The following IQCJ variants were observed in gnomAD, a reference collection of about 807,000 sequenced individuals.
The protein encoded by IQCJ is IQ domain-containing protein J.
IQCJ carries 9 observed loss-of-function variants against 11.0 expected under a neutral mutation model. The ratio of observed to expected loss-of-function variants is 0.82; its 90% CI spans 0.49 to 1.43. The LOEUF (loss-of-function observed/expected upper bound fraction) is 1.43. Among genes scored for constraint, IQCJ ranks in the 40% most tolerant of loss-of-function variants. IQCJ has a pLI of 0.00. For missense variants in IQCJ, 146 were observed against 133.2 expected (o/e 1.10, Z -0.47); for synonymous variants, 55 against 51.3 (o/e 1.07, Z -0.31).
intron 1 of IQCJ, among the ~76,000 whole-genome samples, chr3:159,131,023 G>C (rs1719959054): frequency 6.6e-6 from 1 of 152,076 alleles, no homozygotes; most frequent in African/African-American, 2.4e-5. Context: ...GAAAGAATTT[G>C]GGAAGAACAG....
chr3:159,114,794 C>T (rs1193814442), intron 1 of IQCJ, among the ~76,000 whole-genome samples: 1 of 152,188 alleles, frequency 6.6e-6, no homozygotes, highest in African/African-American at 2.4e-5. Flanking sequence ...CAAAACAATA[C>T]CCCCTTCTCT....
intron 1 of IQCJ, among the ~76,000 whole-genome samples, chr3:159,195,472 G>A (rs1437167722): frequency 6.6e-6 from 1 of 152,120 alleles, no homozygotes; most frequent in Non-Finnish European, 1.5e-5. Flanking sequence ...GGGAGGACTG[G>A]GCCTCTTCTG....
intron 1 of IQCJ, among the ~76,000 whole-genome samples, chr3:159,240,753 C>A (rs1377248262): frequency 6.6e-6 from 1 of 151,830 alleles, no homozygotes; most frequent in East Asian, 2.0e-4. Context: ...CTACACCCAG[C>A]TAATTTTTTT....
intron 1 of IQCJ, among the ~76,000 whole-genome samples, chr3:159,138,708 G>A (rs1310414586): frequency 6.6e-6 from 1 of 152,114 alleles, no homozygotes; most frequent in Admixed American, 6.5e-5. Flanking sequence ...CGTGTTAATG[G>A]TCATGTTCAC....
chr3:159,152,288 T>C (rs1393700828), intron 1 of IQCJ, among the ~76,000 whole-genome samples: 1 of 152,166 alleles, frequency 6.6e-6, no homozygotes, highest in Admixed American at 6.5e-5. Flanking sequence ...GTTTCTTTTG[T>C]GCTTGGAAGT....
Position 159,133,435 on chromosome 3 carries a change from A to G in IQCJ, c.9+63994A>G, listed in dbSNP as rs189485858. 4.7e-4 allele frequency among the ~76,000 whole-genome samples: 71 copies of G among 152,382 alleles called. 1 individual carries two copies. The highest frequency in any genetic ancestry group is 3.3e-3 in the South Asian group (16 of 4,834). On this transcript the variant is annotated intron_variant, in intron 1 of 3. Transcript: ENST00000397832. ...TGATAACTGCCAAGAAATCACTGACATTCTAAATTAAATGAGTTTTTGAGC... is the reference window on the plus strand; with the variant it reads ...TGATAACTGCCAAGAAATCACTGACGTTCTAAATTAAATGAGTTTTTGAGC...
intron 1 of IQCJ, among the ~76,000 whole-genome samples, chr3:159,111,426 C>T (rs144396562): frequency 1.5e-4 from 23 of 152,032 alleles, no homozygotes; most frequent in South Asian, 6.2e-4. Flanking sequence ...ATAAGTTGAC[C>T]GGTATTTCTC....
intron 1 of IQCJ, among the ~76,000 whole-genome samples, chr3:159,148,532 C>T (rs1382828498): frequency 6.6e-6 from 1 of 152,070 alleles, no homozygotes; most frequent in Non-Finnish European, 1.5e-5. Context: ...CTTAAATATC[C>T]AGGCTCATTT....
chr3:159,095,561 G>A (rs1179537858), intron 1 of IQCJ, among the ~76,000 whole-genome samples: 1 of 113,018 alleles, frequency 8.8e-6, no homozygotes. Flanking sequence ...TCCCCTTCCT[G>A]TGTCCATGTG....
At chr3:159,234,394 G>A (rs977335588) in intron 1 of IQCJ, among the ~76,000 whole-genome samples, 10 of 152,188 alleles carry the variant, frequency 6.6e-5, no homozygotes, top group African/African-American at 2.4e-4. Context: ...GAATTTTGAA[G>A]AATTTCAGAA....
intron 1 of IQCJ, among the ~76,000 whole-genome samples, chr3:159,191,326 G>A (rs894219082): frequency 6.6e-6 from 1 of 152,144 alleles, no homozygotes; most frequent in Non-Finnish European, 1.5e-5. Flanking sequence ...GGAGGAGGCT[G>A]GGGTTGGATC....
At chr3:159,175,719 A>G (rs1353878630) in intron 1 of IQCJ, among the ~76,000 whole-genome samples, 4 of 152,176 alleles carry the variant, frequency 2.6e-5, no homozygotes, top group Non-Finnish European at 4.4e-5. Context: ...ATACTCTACA[A>G]TATGCTTATT....
At chr3:159,119,338 A>G (rs1480350719) in intron 1 of IQCJ, among the ~76,000 whole-genome samples, 2 of 152,216 alleles carry the variant, frequency 1.3e-5, no homozygotes, top group South Asian at 2.1e-4. Flanking sequence ...GTGCATTGCC[A>G]TCTTCAGTCT....
chr3:159,088,994 G>C (rs2108075514), intron 1 of IQCJ, among the ~76,000 whole-genome samples: 1 of 152,050 alleles, frequency 6.6e-6, no homozygotes, highest in African/African-American at 2.4e-5. Flanking sequence ...CTCATTAGTT[G>C]ATGCAGTTTC....
chr3:159,101,124 C>T (rs1227926162), intron 1 of IQCJ, among the ~76,000 whole-genome samples: 1 of 138,772 alleles, frequency 7.2e-6, no homozygotes, highest in Non-Finnish European at 1.6e-5. Flanking sequence ...TGGGAGTGAC[C>T]CGATTTTCCA....
At chr3:159,095,513 C>A (rs866363947) in intron 1 of IQCJ, among the ~76,000 whole-genome samples, 1 of 113,302 alleles carries the variant, frequency 8.8e-6, no homozygotes, top group South Asian at 3.6e-4. Context: ...ATCCCTCCCC[C>A]CTCCCCCGAC....
At chr3:159,163,089 C>T (rs1295273630) in intron 1 of IQCJ, among the ~76,000 whole-genome samples, 2 of 152,234 alleles carry the variant, frequency 1.3e-5, no homozygotes, top group African/African-American at 2.4e-5. Flanking sequence ...CAGCATAATT[C>T]TGATACCAAA....
At position 159,155,932 on chromosome 3, in the gene IQCJ, T is replaced by G. The variant is rs373231416; in HGVS notation, c.9+86491T>G. Among the ~76,000 whole-genome samples, 4 of 152,328 alleles carry G rather than the reference T, an allele frequency of 2.6e-5. No homozygotes were observed. In the East Asian group the frequency reaches 7.7e-4, roughly 29 times the overall value. On this transcript the variant is annotated intron_variant, in intron 1 of 3. Transcript: ENST00000397832. ...GCTCAGTGTACATTTATTAAGTGGT[T>G]GTAGATCATTTCTGAGGTAGTGAAA...
intron 1 of IQCJ, among the ~76,000 whole-genome samples, chr3:159,102,008 C>G (rs115757365): frequency 0.052 from 7,962 of 152,252 alleles, 281 homozygotes; most frequent in Non-Finnish European, 0.076. Context: ...GTAATCACAT[C>G]TGGTGTGAGA....
Sources: allele counts gnomAD v4.1 joint callset (sites outside exome capture counted in the v4.1 genomes callset), GRCh38; gene constraint gnomAD v4.1.1; transcripts MANE v1.5; gene names NCBI Gene and HGNC (gene_info 2026-07-23, HGNC 2026-07-21).